The following KRT73 variants were observed in gnomAD, a reference collection of about 807,000 sequenced individuals.
The protein encoded by KRT73 is keratin, type II cytoskeletal 73.
KRT73 carries 44 observed loss-of-function variants against 47.2 expected under a neutral mutation model. The observed-to-expected ratio is 0.93, with a 90% CI of 0.73 to 1.20. The LOEUF is 1.20. Among genes scored for constraint, KRT73 ranks in the 50% most tolerant of loss-of-function variants. The probability of loss-of-function intolerance (pLI) is 0.00; values close to 1 mark genes in which losing one functional copy is unlikely to be tolerated. For missense variants in KRT73, 713 were observed against 704.5 expected (o/e 1.01, Z -0.14); for synonymous variants, 285 against 291.3 (o/e 0.98, Z 0.22).
chr12:52,615,431 A>G, intron 2 of KRT73, 92 bp from the exon 3 acceptor site: 2 of 998,352 alleles, frequency 2.0e-6, no homozygotes, highest in Non-Finnish European at 3.1e-6. Context: ...TACCCATATT[A>G]TATGCCTTTT....
At position 52,616,297 on chromosome 12, in the gene KRT73, A is replaced by G. The variant is rs746449198; in HGVS notation, c.531T>C (p.Asn177=). The G allele has an allele frequency of 2.0e-5, 33 of 1,614,026 alleles. No homozygotes were observed. The highest frequency in any genetic ancestry group is 2.7e-5 in the African/African-American group (2 of 74,894). The change falls in exon 2 of 9, where the codon AAT becomes AAC. Residue 177 remains asparagine (N), a synonymous_variant. Transcript: ENST00000305748. The part of the protein sequence containing the change: ...LQQLDLNNCK[N]NLEPILEGYI... ...AGCCCTCAAGGATGGGCTCCAGGTT[A>G]TTCTTGCAGTTGTTCAGGTCCAGCT...
intron 1 of KRT73, 131 bp from the exon 2 acceptor site, chr12:52,616,511 C>G: frequency 9.1e-7 from 1 of 1,094,260 alleles, no homozygotes; most frequent in Non-Finnish European, 1.3e-6. Flanking sequence ...AAACTGCCAC[C>G]CATGCCACTC....
chr12:52,615,309 A>C lies in KRT73; in HGVS notation c.693T>G (p.Thr231=). 1 of 1,613,992 alleles carries C rather than the reference A, an allele frequency of 6.2e-7. No homozygotes were observed. Among genetic ancestry groups the C allele is most frequent in the Non-Finnish European group, 8.5e-7 (1 of 1,179,920 alleles). Reference sequence around the variant, plus strand: ...TAAGCACCACAAATTCATTCTCAGCAGTTGTGCGCTTGTTTATTTCTTCTT... The same window carrying C: ...TAAGCACCACAAATTCATTCTCAGCCGTTGTGCGCTTGTTTATTTCTTCTT... ...RYEEEINKRT[T]AENEFVVLKK... is the part of the protein sequence containing the mutation. The change falls in exon 3 of 9, where the codon ACT becomes ACG. Residue 231 remains threonine (T), a synonymous_variant. Coordinates refer to ENST00000305748, the MANE Select transcript of KRT73 (RefSeq NM_175068.3).
At chr12:52,608,573 A>C in intron 8 of KRT73, 121 bp from the exon 9 acceptor site, 1 of 854,952 alleles carries the variant, frequency 1.2e-6, no homozygotes, top group Non-Finnish European at 1.7e-6. Flanking sequence ...AACACTTCCC[A>C]TCAACCATGA....
chr12:52,626,511 G>A, the KRT73 span, among the ~76,000 whole-genome samples: 1 of 152,196 alleles, frequency 6.6e-6, no homozygotes, highest in Admixed American at 6.5e-5. Flanking sequence ...CCTTTTAACA[G>A]CACAATCAGG....
At chr12:52,609,127 T>C in intron 8 of KRT73, 120 bp downstream of exon 8, 1 of 852,112 alleles carries the variant, frequency 1.2e-6, no homozygotes, top group South Asian at 1.4e-5. Flanking sequence ...GGTGAGTATG[T>C]GACCAAGTGG....
At chr12:52,629,623 C>T in the KRT73 span, among the ~76,000 whole-genome samples, 3 of 152,196 alleles carry the variant, frequency 2.0e-5, no homozygotes, top group Non-Finnish European at 2.9e-5. Context: ...GGATCCTGAC[C>T]GCACAGCAAA....
chr12:52,630,126 C>A, the KRT73 span, among the ~76,000 whole-genome samples: 1 of 152,212 alleles, frequency 6.6e-6, no homozygotes, highest in African/African-American at 2.4e-5. Context: ...GCATACAGGG[C>A]CAGGATCAGT....
At position 52,610,710 on chromosome 12, in the gene KRT73, C is replaced by G; in HGVS notation, c.1236G>C (p.Arg412=). 1.9e-6 allele frequency: 3 copies of G among 1,614,094 alleles called. No individual in the cohort carries two copies. The highest frequency in any genetic ancestry group is 1.7e-6 in the Non-Finnish European group (2 of 1,180,032). Residue 412 remains arginine, a synonymous_variant, in exon 7 of 9, where the codon CGG becomes CGC. Coordinates refer to ENST00000305748, the MANE Select transcript of KRT73 (RefSeq NM_175068.3). ...AAAGCTCTTGGTACTCGCGCAGCATCCGTGCCAGCTCCTCCTTGGCCTGCT... is the reference window on the plus strand; with the variant it reads ...AAAGCTCTTGGTACTCGCGCAGCATGCGTGCCAGCTCCTCCTTGGCCTGCT... ...ALQQAKEELA[R]MLREYQELLS...
the KRT73 span, among the ~76,000 whole-genome samples, chr12:52,626,026 T>C: frequency 6.6e-6 from 1 of 152,178 alleles, no homozygotes; most frequent in Non-Finnish European, 1.5e-5. Flanking sequence ...AGTGGGTGTG[T>C]CCAAATGAGG....
chr12:52,625,502 C>T, the KRT73 span, among the ~76,000 whole-genome samples: 1 of 152,200 alleles, frequency 6.6e-6, no homozygotes, highest in African/African-American at 2.4e-5. Context: ...TGGCAAGGAC[C>T]CAGAGAAACT....
chr12:52,611,640 G>A lies in KRT73; in HGVS notation c.985-311C>T, dbSNP rs79477245. Among the ~76,000 whole-genome samples, 1,040 of 152,228 alleles carry A rather than the reference G, an allele frequency of 6.8e-3. 7 individuals are homozygous for A. The highest frequency in any genetic ancestry group is 0.023 in the African/African-American group (955 of 41,524). ...TCTGCCTATCGTCCTTCAAAGTCAAGGTCAAATTCAAACTCTTACATGGCA... is the reference window on the plus strand; with the variant it reads ...TCTGCCTATCGTCCTTCAAAGTCAAAGTCAAATTCAAACTCTTACATGGCA... On this transcript the variant is annotated intron_variant, in intron 5 of 8. Coordinates refer to ENST00000305748, the MANE Select transcript of KRT73 (RefSeq NM_175068.3).
At chr12:52,625,338 A>T in the KRT73 span, among the ~76,000 whole-genome samples, 27 of 152,348 alleles carry the variant, frequency 1.8e-4, no homozygotes, top group African/African-American at 6.3e-4. Flanking sequence ...GGGCAAAAAC[A>T]TCACAAGACT....
chr12:52,618,470 C>T lies in KRT73; in HGVS notation c.55G>A (p.Gly19Ser), dbSNP rs1410096583. ...SGAAAKGGFSGCSAVLSGGSS... is the reference protein window; with the variant it reads ...SGAAAKGGFSSCSAVLSGGSS... ...CCCCCTGAGAGCACAGCGGAGCAGC[C>T]GCTGAAGCCCCCCTTGGCAGCAGCT... is the stretch of plus-strand genomic sequence containing the variant. Residue 19 changes from glycine to serine, a missense_variant, in exon 1 of 9, where the codon GGC becomes AGC. Gly to Ser is a moderately conservative substitution (Grantham distance 56, BLOSUM62 0). Transcript: ENST00000305748. 14 of 1,612,738 alleles carry T rather than the reference C, an allele frequency of 8.7e-6. No individual in the cohort carries two copies. The Admixed American group carries it at 1.7e-4, about 19-fold the overall frequency.
At chr12:52,614,535 C>G (rs1163927229) in intron 4 of KRT73, 44 bp downstream of exon 4, 1 of 1,530,486 alleles carries the variant, frequency 6.5e-7, no homozygotes, top group East Asian at 2.2e-5. Context: ...ACATATCTGT[C>G]CTTCCAGAAG....
intron 8 of KRT73, among the ~76,000 whole-genome samples, 169 bp from the exon 9 acceptor site, chr12:52,608,621 T>C (rs1199235110): frequency 3.9e-5 from 6 of 152,150 alleles, no homozygotes; most frequent in African/African-American, 1.4e-4. Flanking sequence ...GCGGGAAGAA[T>C]AGCCCCAGTC....
the KRT73 span, among the ~76,000 whole-genome samples, chr12:52,624,818 CAAA>C: frequency 0.15 from 23,196 of 149,854 alleles, 1,956 homozygotes; most frequent in Non-Finnish European, 0.18. Flanking sequence ...GACAACAAAA[CAAA>C]AAAAAAAAAT....
chr12:52,619,723 G>A (rs923837600), upstream of KRT73, among the ~76,000 whole-genome samples: 5 of 152,290 alleles, frequency 3.3e-5, no homozygotes, highest in African/African-American at 1.2e-4. Flanking sequence ...TTTTGGAGAT[G>A]GGGAGGTAGG....
At chr12:52,625,642 C>T in the KRT73 span, among the ~76,000 whole-genome samples, 1 of 152,192 alleles carries the variant, frequency 6.6e-6, no homozygotes, top group Non-Finnish European at 1.5e-5. Context: ...ATCATTTATC[C>T]CAGAGAAATG....
Sources: allele counts gnomAD v4.1 joint callset (sites outside exome capture counted in the v4.1 genomes callset), GRCh38; gene constraint gnomAD v4.1.1; transcripts MANE v1.5; gene names NCBI Gene and HGNC (gene_info 2026-07-23, HGNC 2026-07-21).